PRKG1: variants seen among roughly 807,000 people sequenced by gnomAD.
The protein encoded by PRKG1 is cGMP-dependent protein kinase 1.
PRKG1 carries 35 observed loss-of-function variants against 88.1 expected under a neutral mutation model. That is an observed-to-expected ratio of 0.40 (90% CI 0.30 to 0.53). PRKG1 has a LOEUF of 0.53. PRKG1 is among the 20% of genes least tolerant of loss of function. The pLI, the probability that PRKG1 is intolerant of heterozygous loss-of-function variation, is 0.59. For missense variants in PRKG1, 540 were observed against 839.8 expected (o/e 0.64, Z 4.41); for synonymous variants, 303 against 292.5 (o/e 1.04, Z -0.37).
At chr10:51,860,312 T>C (rs544805500) in intron 4 of PRKG1, among the ~76,000 whole-genome samples, 2 of 152,332 alleles carry the variant, frequency 1.3e-5, no homozygotes, top group South Asian at 2.1e-4. Flanking sequence ...TGCTTCATGT[T>C]GTCTTCAAGC....
intron 2 of PRKG1, among the ~76,000 whole-genome samples, chr10:51,237,535 A>T (rs1039600981): frequency 6.6e-6 from 1 of 152,178 alleles, no homozygotes; most frequent in Non-Finnish European, 1.5e-5. Context: ...TCCCAAAGGA[A>T]TCCTTACTAT....
chr10:51,973,356 C>T (rs1843754559), intron 5 of PRKG1, among the ~76,000 whole-genome samples: 1 of 152,172 alleles, frequency 6.6e-6, no homozygotes, highest in Non-Finnish European at 1.5e-5. Flanking sequence ...CCATCCTTTA[C>T]TCTTGTAAAA....
chr10:51,571,539 A>G (rs7923796), intron 3 of PRKG1, among the ~76,000 whole-genome samples: 11,306 of 116,280 alleles, frequency 0.097, 1,400 homozygotes, highest in African/African-American at 0.34. Context: ...ATGTTTCATG[A>G]GGGGGTGAGG....
chr10:51,226,364 A>C (rs190691954), intron 2 of PRKG1, among the ~76,000 whole-genome samples: 326 of 152,322 alleles, frequency 2.1e-3, no homozygotes, highest in African/African-American at 7.6e-3. Flanking sequence ...TGTTGTTTGC[A>C]TGAGTTAATT....
intron 3 of PRKG1, among the ~76,000 whole-genome samples, chr10:51,648,003 G>A (rs991534567): frequency 6.7e-6 from 1 of 149,514 alleles, no homozygotes; most frequent in Non-Finnish European, 1.5e-5. Flanking sequence ...TTCCTTTTAG[G>A]TTATAATTTA....
intron 1 of PRKG1, among the ~76,000 whole-genome samples, chr10:51,018,243 G>A (rs1364169761): frequency 6.6e-6 from 1 of 152,136 alleles, no homozygotes; most frequent in Non-Finnish European, 1.5e-5. Context: ...TTTGCTGGAT[G>A]TAGAATTCTA....
At chr10:51,206,318 C>A (rs974719089) in intron 2 of PRKG1, among the ~76,000 whole-genome samples, 1 of 151,328 alleles carries the variant, frequency 6.6e-6, no homozygotes, top group Non-Finnish European at 1.5e-5. Context: ...GGTGAAACCC[C>A]GTCTCTACTA....
intron 14 of PRKG1, 99 bp from the exon 15 acceptor site, chr10:52,288,627 A>T: frequency 7.7e-7 from 1 of 1,293,918 alleles, no homozygotes; most frequent in Non-Finnish European, 1.0e-6. Flanking sequence ...CTAAGCCCCC[A>T]AATATGAATT....
intron 4 of PRKG1, among the ~76,000 whole-genome samples, chr10:51,855,450 A>G (rs574645885): frequency 6.6e-6 from 1 of 152,324 alleles, no homozygotes; most frequent in Non-Finnish European, 1.5e-5. Flanking sequence ...AGTACAGTTT[A>G]GTTGAACTGC....
At chr10:51,427,588 G>T (rs1008023867) in intron 2 of PRKG1, among the ~76,000 whole-genome samples, 5 of 152,126 alleles carry the variant, frequency 3.3e-5, no homozygotes, top group Admixed American at 3.3e-4. Flanking sequence ...GGATTCATTG[G>T]CAAGAGCCAC....
chr10:51,342,750 GC>G (rs1842029211), intron 2 of PRKG1, among the ~76,000 whole-genome samples: 1 of 152,086 alleles, frequency 6.6e-6, no homozygotes, highest in African/African-American at 2.4e-5. Flanking sequence ...AATCATAATA[GC>G]CCGTATATCC....
intron 3 of PRKG1, among the ~76,000 whole-genome samples, chr10:51,628,116 T>G (rs1190546643): frequency 7.5e-6 from 1 of 132,706 alleles, no homozygotes; most frequent in Non-Finnish European, 1.6e-5. Context: ...CTTTCCTTCT[T>G]TATTTCTCTT....
intron 4 of PRKG1, among the ~76,000 whole-genome samples, chr10:51,809,734 T>C (rs1839402969): frequency 6.6e-6 from 1 of 152,214 alleles, no homozygotes. Context: ...AAATATTTTC[T>C]TTATCCACTT....
At chr10:51,212,948 A>T (rs1838265574) in intron 2 of PRKG1, among the ~76,000 whole-genome samples, 1 of 152,210 alleles carries the variant, frequency 6.6e-6, no homozygotes, top group South Asian at 2.1e-4. Context: ...CATTTGACCC[A>T]GCCATGCCAT....
At position 51,737,813 on chromosome 10, in the gene PRKG1, G is replaced by C. The variant is rs538372395; in HGVS notation, c.593-66772G>C. ...AGTTTCACTCTTGTTGCCCAGGCTGGAGTGCAATGGCACCATCTCGGCTCA... is the reference window on the plus strand; with the variant it reads ...AGTTTCACTCTTGTTGCCCAGGCTGCAGTGCAATGGCACCATCTCGGCTCA... On this transcript the variant is annotated intron_variant, in intron 3 of 17. Coordinates refer to ENST00000373980, the MANE Select transcript of PRKG1 (RefSeq NM_006258.4). Among the ~76,000 whole-genome samples, 51 of 150,086 alleles carry C rather than the reference G, an allele frequency of 3.4e-4. No homozygotes were observed. In the East Asian group the frequency reaches 6.3e-3, roughly 18 times the overall value.
At chr10:51,472,864 G>C (rs1840085346) in intron 3 of PRKG1, among the ~76,000 whole-genome samples, 1 of 151,894 alleles carries the variant, frequency 6.6e-6, no homozygotes, top group African/African-American at 2.4e-5. Context: ...TGAGAGGTAA[G>C]TTGAAGAGAA....
intron 1 of PRKG1, among the ~76,000 whole-genome samples, chr10:51,023,931 T>C (rs1335052611): frequency 6.6e-6 from 1 of 152,192 alleles, no homozygotes; most frequent in African/African-American, 2.4e-5. Flanking sequence ...TCCAGGCAAA[T>C]ATTGCAAGCT....
intron 2 of PRKG1, among the ~76,000 whole-genome samples, chr10:51,415,910 A>AGT (rs71459419): frequency 0.32 from 47,719 of 147,020 alleles, 7,642 homozygotes; most frequent in Non-Finnish European, 0.38. Flanking sequence ...TAGAGCTTCC[A>AGT]GTGTGTGTGT....
rs1012025143 is a variant in PRKG1 at position 50,991,274 on chromosome 10, C to T, written c.-105C>T. On this transcript the variant is annotated 5_prime_UTR_variant, in exon 1 of 18. Transcript: ENST00000401604. This position sits in a 1 kb window ranked among gnomAD's most constrained non-coding sequence, Gnocchi z 4.5. Reference sequence around the variant, plus strand: ...CTCGAGTACTTAGCGCCCATTCACTCGCTCACCCGCGCTCTCCGCTGCCGG... The same window carrying T: ...CTCGAGTACTTAGCGCCCATTCACTTGCTCACCCGCGCTCTCCGCTGCCGG... 38 of 1,431,436 alleles carry T rather than the reference C, an allele frequency of 2.7e-5. 1 individual carries two copies. In the Admixed American group the frequency reaches 1.0e-3, roughly 38 times the overall value. 88.7% of individuals were successfully genotyped at this position (1,431,436 alleles called of 1,614,324 possible).
Sources: gnomAD v4.1 joint callset for allele counts (sites outside exome capture counted in the v4.1 genomes callset) on GRCh38, gnomAD v4.1.1 for gene constraint, Gnocchi (gnomAD v3.1) non-coding constraint, MANE v1.5 for transcripts, NCBI Gene and HGNC (gene_info 2026-07-23, HGNC 2026-07-21) for gene names.